Variants in LUZP2 observed in about 807,000 individuals in gnomAD.
LUZP2 encodes the protein leucine zipper protein 2.
A neutral mutation model predicts 51.6 loss-of-function variants in LUZP2; 52 were observed. The observed-to-expected ratio is 1.01, with a 90% CI of 0.81 to 1.27. LUZP2 has a LOEUF of 1.27. Among genes scored for constraint, LUZP2 ranks in the 50% most tolerant of loss-of-function variants. The pLI is 0.00. For synonymous variants in LUZP2, 154 were observed against 137.3 expected (o/e 1.12, Z -0.85); for missense variants, 436 against 395.4 (o/e 1.10, Z -0.87).
At chr11:24,667,587 G>A (rs1856259831) in intron 1 of LUZP2, among the ~76,000 whole-genome samples, 1 of 152,168 alleles carries the variant, frequency 6.6e-6, no homozygotes, top group African/African-American at 2.4e-5. Flanking sequence ...TGGGGAGAAA[G>A]CAGAGTTTGT....
intron 9 of LUZP2, among the ~76,000 whole-genome samples, chr11:25,046,014 G>A (rs1011175539): frequency 6.6e-6 from 1 of 152,070 alleles, no homozygotes; most frequent in Admixed American, 6.6e-5. Context: ...CACAAAAATG[G>A]TTTTATTGTA....
intron 1 of LUZP2, among the ~76,000 whole-genome samples, chr11:24,612,216 C>G (rs755397860): frequency 1.4e-4 from 21 of 152,026 alleles, no homozygotes; most frequent in Non-Finnish European, 2.6e-4. Context: ...ATGTGGATTA[C>G]ATAGTTTTAC....
chr11:25,050,462 G>A (rs1858469546), intron 10 of LUZP2, among the ~76,000 whole-genome samples: 2 of 151,578 alleles, frequency 1.3e-5, no homozygotes, highest in Non-Finnish European at 2.9e-5. Context: ...CCGCCACCGC[G>A]CTCGGCTAAT....
At chr11:25,017,985 G>T (rs1316764232) in intron 9 of LUZP2, among the ~76,000 whole-genome samples, 1 of 150,210 alleles carries the variant, frequency 6.7e-6, no homozygotes, top group Non-Finnish European at 1.5e-5. Context: ...TCCTTGTAGA[G>T]ATTTTGTACC....
intron 1 of LUZP2, among the ~76,000 whole-genome samples, chr11:24,719,073 G>C (rs915071840): frequency 2.0e-5 from 3 of 152,230 alleles, no homozygotes; most frequent in African/African-American, 7.2e-5. Flanking sequence ...CCCCAGGGCA[G>C]ATGGCCTTGA....
At chr11:24,600,747 C>T (rs537118725) in intron 1 of LUZP2, among the ~76,000 whole-genome samples, 40 of 152,052 alleles carry the variant, frequency 2.6e-4, no homozygotes, top group African/African-American at 8.2e-4. Context: ...GTAGTATAAA[C>T]GTAAGCACAG....
At chr11:24,650,102 T>C (rs1855582257) in intron 1 of LUZP2, among the ~76,000 whole-genome samples, 1 of 151,780 alleles carries the variant, frequency 6.6e-6, no homozygotes, top group South Asian at 2.1e-4. Context: ...TTCCATCCAT[T>C]CAAAATCCTT....
chr11:24,728,501 C>T lies in LUZP2; in HGVS notation c.63-668C>T, dbSNP rs543331513. On this transcript the variant is annotated intron_variant, in intron 1 of 11. Transcript: ENST00000336930. ...CAGTCACCTGTTTTCCTGTTTTTTT[C>T]CCTCCTCCCATTCACTCCTGAGTTT... Among the ~76,000 whole-genome samples the T allele has an allele frequency of 1.1e-4, 16 of 151,854 alleles. No individual in the cohort carries two copies. The South Asian group carries it at 2.5e-3, about 24-fold the overall frequency.
intron 1 of LUZP2, among the ~76,000 whole-genome samples, chr11:24,543,831 A>AG (rs2133725598): frequency 6.6e-6 from 1 of 150,836 alleles, no homozygotes; most frequent in South Asian, 2.1e-4. Context: ...CACAAAAAAA[A>AG]AAAAAAAAAA....
intron 5 of LUZP2, among the ~76,000 whole-genome samples, chr11:24,835,006 A>G (rs773625723): frequency 1.4e-4 from 21 of 152,108 alleles, no homozygotes; most frequent in Non-Finnish European, 2.8e-4. Context: ...CCCCTGTCAG[A>G]TGGTCAGATT....
chr11:24,870,692 A>G (rs1308876684), intron 5 of LUZP2, among the ~76,000 whole-genome samples: 1 of 152,076 alleles, frequency 6.6e-6, no homozygotes, highest in Non-Finnish European at 1.5e-5. Flanking sequence ...TACTGAAGAA[A>G]TTTGGTCTAT....
chr11:24,654,123 C>T (rs1020283062), intron 1 of LUZP2, among the ~76,000 whole-genome samples: 5 of 152,036 alleles, frequency 3.3e-5, no homozygotes, highest in South Asian at 2.1e-4. Context: ...AAGAGGTCAG[C>T]GCCAAGACAG....
chr11:24,563,045 C>G (rs1852102530), intron 1 of LUZP2, among the ~76,000 whole-genome samples: 1 of 151,994 alleles, frequency 6.6e-6, no homozygotes, highest in African/African-American at 2.4e-5. Context: ...CTGTAGCTGA[C>G]GAATCAGCTT....
intron 9 of LUZP2, among the ~76,000 whole-genome samples, chr11:25,030,060 G>A (rs1385858250): frequency 6.6e-6 from 1 of 152,062 alleles, no homozygotes; most frequent in Non-Finnish European, 1.5e-5. Context: ...GGGTATTCAT[G>A]CAAAATGCTT....
chr11:24,817,963 G>A (rs2256202), intron 5 of LUZP2, among the ~76,000 whole-genome samples: 148,536 of 152,146 alleles, frequency 0.98, 72,613 homozygotes, highest in East Asian at 1. Context: ...CTACGGGAAG[G>A]TTACATATGC....
At chr11:24,741,400 T>A (rs1859135157) in intron 4 of LUZP2, among the ~76,000 whole-genome samples, 1 of 152,038 alleles carries the variant, frequency 6.6e-6, no homozygotes, top group Non-Finnish European at 1.5e-5. Flanking sequence ...TCTTTTTTAT[T>A]TGGTATTCCT....
intron 7 of LUZP2, among the ~76,000 whole-genome samples, chr11:24,970,263 C>T (rs10742059): frequency 0.46 from 69,786 of 151,856 alleles, 16,361 homozygotes; most frequent in East Asian, 0.75. Flanking sequence ...GCTGTTGCAT[C>T]CCCTACCCTA....
At chr11:24,879,025 G>T (rs1164298544) in intron 5 of LUZP2, among the ~76,000 whole-genome samples, 1 of 151,928 alleles carries the variant, frequency 6.6e-6, no homozygotes, top group Non-Finnish European at 1.5e-5. Context: ...GGAGTACAGT[G>T]GCTCAATCTC....
In LUZP2 at chr11:24,756,074, T is replaced by A. The variant is rs564266049; in HGVS notation, c.334-7172T>A. Among the ~76,000 whole-genome samples, 294 of 152,268 alleles carry A rather than the reference T, an allele frequency of 1.9e-3. 1 individual carries two copies. The highest frequency in any genetic ancestry group is 6.8e-3 in the Middle Eastern group (2 of 294). ...ACCTTGGCTTTCACCACCCCCCTTA[T>A]GTTAACCCCAAGCATTTCTTTCTGC... On this transcript the variant is annotated intron_variant, in intron 4 of 11. Transcript: ENST00000336930.
Sources: allele counts gnomAD v4.1 joint callset (sites outside exome capture counted in the v4.1 genomes callset), GRCh38; gene constraint gnomAD v4.1.1; transcripts MANE v1.5; gene names NCBI Gene and HGNC (gene_info 2026-07-23, HGNC 2026-07-21).